RARB: variants seen among roughly 807,000 people sequenced by gnomAD.
RARB encodes the protein HBV-activated protein.
RARB carries 17 observed loss-of-function variants against 51.9 expected under a neutral mutation model. That is an observed-to-expected ratio of 0.33 (90% CI 0.22 to 0.49). The LOEUF (loss-of-function observed/expected upper bound fraction) is 0.49. Ranked by LOEUF, RARB falls within the 20% of genes least tolerant of loss-of-function variation. The pLI is 0.99. For missense variants in RARB, 369 were observed against 550.8 expected (o/e 0.67, Z 3.30); for synonymous variants, 215 against 195.4 (o/e 1.10, Z -0.84).
At chr3:25,310,528 T>A (rs17016169) in intron 5 of RARB, among the ~76,000 whole-genome samples, 6,118 of 152,278 alleles carry the variant, frequency 0.04, 166 homozygotes, top group Middle Eastern at 0.068. Flanking sequence ...CCTCTCTAGA[T>A]ACCATGTAGC....
At chr3:24,861,277 T>G (rs143303321) in intron 2 of RARB, among the ~76,000 whole-genome samples, 431 of 152,288 alleles carry the variant, frequency 2.8e-3, no homozygotes, top group African/African-American at 9.7e-3. Context: ...GTACATAGAT[T>G]ATATGCAAAT....
At chr3:25,390,384 G>A (rs914401596) in intron 5 of RARB, among the ~76,000 whole-genome samples, 4 of 152,126 alleles carry the variant, frequency 2.6e-5, no homozygotes, top group African/African-American at 9.7e-5. Flanking sequence ...ACCGGACACT[G>A]GATCTGCCAA....
At chr3:25,049,955 T>G (rs2125299122) in intron 2 of RARB, among the ~76,000 whole-genome samples, 1 of 152,268 alleles carries the variant, frequency 6.6e-6, no homozygotes, top group African/African-American at 2.4e-5. Context: ...TTGTTGTTAG[T>G]GATGTGGTGA....
chr3:24,894,322 G>A (rs1703440297), intron 2 of RARB, among the ~76,000 whole-genome samples: 1 of 145,160 alleles, frequency 6.9e-6, no homozygotes, highest in Non-Finnish European at 1.5e-5. Flanking sequence ...TTGTGTCTGT[G>A]TATTCACTGT....
chr3:25,358,529 T>G (rs1380505524), intron 5 of RARB, among the ~76,000 whole-genome samples: 1 of 151,992 alleles, frequency 6.6e-6, no homozygotes, highest in African/African-American at 2.4e-5. Flanking sequence ...TGAATAGGAG[T>G]GGTGAGAGAG....
At chr3:25,474,028 G>C (rs1695839335) in intron 2 of RARB, among the ~76,000 whole-genome samples, 1 of 151,610 alleles carries the variant, frequency 6.6e-6, no homozygotes, top group African/African-American at 2.4e-5. Flanking sequence ...AAACTCTGAG[G>C]TAGGTCAGCG....
chr3:25,550,654 G>C (rs1699809429), intron 3 of RARB, among the ~76,000 whole-genome samples: 1 of 152,144 alleles, frequency 6.6e-6, no homozygotes, highest in African/African-American at 2.4e-5. Context: ...TACATCTGCA[G>C]GATGTGCAGG....
At chr3:25,571,406 G>C (rs546563779) in intron 4 of RARB, among the ~76,000 whole-genome samples, 8 of 152,324 alleles carry the variant, frequency 5.3e-5, no homozygotes, top group African/African-American at 1.9e-4. Context: ...GCCGGGCTTT[G>C]AGAAGCAACA....
chr3:25,367,705 A>C (rs1263756543), intron 5 of RARB, among the ~76,000 whole-genome samples: 1 of 151,010 alleles, frequency 6.6e-6, no homozygotes, highest in Non-Finnish European at 1.5e-5. Flanking sequence ...GTGCATCTGC[A>C]GTCTCAGCTA....
chr3:25,124,711 C>G (rs1217494415), intron 3 of RARB, among the ~76,000 whole-genome samples: 1 of 152,178 alleles, frequency 6.6e-6, no homozygotes, highest in Admixed American at 6.5e-5. Context: ...GACCTGGAGA[C>G]AAGTTGAGAT....
chr3:25,277,241 G>C (rs987231638), intron 5 of RARB, among the ~76,000 whole-genome samples: 3 of 152,032 alleles, frequency 2.0e-5, no homozygotes, highest in African/African-American at 7.2e-5. Context: ...GCCAATATAG[G>C]GGGAGGGCAG....
chr3:24,898,205 G>A (rs1016978196), intron 2 of RARB, among the ~76,000 whole-genome samples: 1 of 152,004 alleles, frequency 6.6e-6, no homozygotes, highest in African/African-American at 2.4e-5. Flanking sequence ...CGTGATTAGG[G>A]CATTGCTTTC....
chr3:25,252,056 A>T (rs1702736060), intron 5 of RARB, among the ~76,000 whole-genome samples: 1 of 152,104 alleles, frequency 6.6e-6, no homozygotes, highest in Non-Finnish European at 1.5e-5. Flanking sequence ...TAGGGGTCTA[A>T]TCTTACTCTT....
At chr3:25,006,287 C>A (rs1697270702) in intron 2 of RARB, among the ~76,000 whole-genome samples, 1 of 152,132 alleles carries the variant, frequency 6.6e-6, no homozygotes, top group Non-Finnish European at 1.5e-5. Flanking sequence ...CTGTTTTGTT[C>A]ATACTCTCTC....
intron 2 of RARB, among the ~76,000 whole-genome samples, chr3:25,023,902 A>G (rs1216442271): frequency 6.6e-6 from 1 of 152,188 alleles, no homozygotes; most frequent in African/African-American, 2.4e-5. Context: ...GTAGAGGATT[A>G]CGTGAGTGTG....
Position 25,082,007 on chromosome 3 carries a change from CTTTTTATGA to C in RARB, c.-328+21834_-328+21842del, listed in dbSNP as rs1014374241. On this transcript the variant is annotated intron_variant, in intron 3 of 11. Transcript: ENST00000383772. ...TTTTTATATCTTCCTGATGAATTTACTTTTTATGATTGCTATCTCTGCTACTACTCTGTC... is the reference window on the plus strand; with the variant it reads ...TTTTTATATCTTCCTGATGAATTTACTTGCTATCTCTGCTACTACTCTGTC... Among the ~76,000 whole-genome samples the C allele has an allele frequency of 3.9e-5, 6 of 152,146 alleles. No individual in the cohort carries two copies. The East Asian group carries it at 1.2e-3, about 29-fold the overall frequency.
At chr3:24,889,373 T>C (rs1703328019) in intron 2 of RARB, among the ~76,000 whole-genome samples, 1 of 152,160 alleles carries the variant, frequency 6.6e-6, no homozygotes, top group Non-Finnish European at 1.5e-5. Context: ...AATCTTGACT[T>C]CTCAAAAAAT....
intron 3 of RARB, among the ~76,000 whole-genome samples, chr3:25,558,508 C>A (rs1440608414): frequency 6.7e-6 from 1 of 149,484 alleles, no homozygotes; most frequent in African/African-American, 2.5e-5. Flanking sequence ...ACTAGCAATT[C>A]CCAAGGATTA....
chr3:25,522,999 T>A (rs917722633), intron 3 of RARB, among the ~76,000 whole-genome samples: 1 of 152,204 alleles, frequency 6.6e-6, no homozygotes, highest in Non-Finnish European at 1.5e-5. Context: ...GGGCTCGTAT[T>A]TGACACAAAG....
Sources: gnomAD v4.1 joint callset for allele counts (sites outside exome capture counted in the v4.1 genomes callset) on GRCh38, gnomAD v4.1.1 for gene constraint, MANE v1.5 for transcripts, NCBI Gene and HGNC (gene_info 2026-07-23, HGNC 2026-07-21) for gene names.